TASP1: variants seen among roughly 807,000 people sequenced by gnomAD.
The protein encoded by TASP1 is threonine aspartase 1.
Under a neutral mutation model 56.6 loss-of-function variants are expected in TASP1, and 16 were observed. The ratio of observed to expected loss-of-function variants is 0.28; its 90% CI spans 0.19 to 0.43. TASP1 has a LOEUF of 0.43. Ranked by LOEUF, TASP1 falls within the 20% of genes least tolerant of loss-of-function variation. The pLI, the probability that TASP1 is intolerant of heterozygous loss-of-function variation, is 1.00. For missense variants in TASP1, 393 were observed against 511.6 expected, an observed-to-expected ratio of 0.77 and a Z score of 2.24; for synonymous variants, 179 against 184.2, an observed-to-expected ratio of 0.97 and a Z score of 0.23.
intron 13 of TASP1, among the ~76,000 whole-genome samples, chr20:13,416,390 G>C (rs769805387): frequency 1.3e-5 from 2 of 152,092 alleles, no homozygotes; most frequent in Non-Finnish European, 2.9e-5. Flanking sequence ...GGGGAGGGTG[G>C]ATCTCAGCAA....
chr20:13,488,783 C>T (rs1374246073), intron 10 of TASP1, among the ~76,000 whole-genome samples: 1 of 152,134 alleles, frequency 6.6e-6, no homozygotes, highest in East Asian at 1.9e-4. Context: ...CTCCCTTGAG[C>T]ACTCCAACTC....
the TASP1 span, chr20:13,167,022 G>A: frequency 6.6e-6 from 1 of 152,150 alleles, no homozygotes; most frequent in African/African-American, 2.4e-5. Flanking sequence ...GTTTCTGTTA[G>A]AGAGTCCATG....
chr20:13,335,666 G>A, the TASP1 span, among the ~76,000 whole-genome samples: 1 of 151,902 alleles, frequency 6.6e-6, no homozygotes, highest in Non-Finnish European at 1.5e-5. Context: ...GTATCATGCT[G>A]TTGTGAGTAA....
rs377367518 is a variant in TASP1 at position 13,584,256 on chromosome 20, T to C, written c.403+2994A>G. Reference sequence around the variant, plus strand: ...AAATGAAAAATAAACTATACATATGTTAGAAGAAAATACAAGTAAATTGTG... The same window carrying C: ...AAATGAAAAATAAACTATACATATGCTAGAAGAAAATACAAGTAAATTGTG... On this transcript the variant is annotated intron_variant, in intron 5 of 13. Coordinates refer to ENST00000337743, the MANE Select transcript of TASP1 (RefSeq NM_017714.3). Among the ~76,000 whole-genome samples the C allele has an allele frequency of 3.3e-5, 5 of 152,270 alleles. No individual in the cohort carries two copies. The East Asian group carries it at 5.8e-4, about 18-fold the overall frequency.
intron 6 of TASP1, among the ~76,000 whole-genome samples, chr20:13,577,616 A>G (rs1467705459): frequency 6.6e-6 from 1 of 152,074 alleles, no homozygotes; most frequent in Non-Finnish European, 1.5e-5. Flanking sequence ...CTCTCTCTCA[A>G]CAACCCCTTC....
downstream of TASP1, among the ~76,000 whole-genome samples, chr20:13,386,177 T>C (rs2041161594): frequency 6.6e-6 from 1 of 152,216 alleles, no homozygotes; most frequent in African/African-American, 2.4e-5. Context: ...GAGCCAGCAT[T>C]GTATGGGAAA....
At chr20:13,204,503 C>A in the TASP1 span, among the ~76,000 whole-genome samples, 1 of 148,154 alleles carries the variant, frequency 6.7e-6, no homozygotes, top group African/African-American at 2.5e-5. Flanking sequence ...GGAAAAATAT[C>A]TTTTTAATCC....
the TASP1 span, chr20:13,167,380 C>T: frequency 2.0e-5 from 3 of 152,078 alleles, no homozygotes; most frequent in African/African-American, 7.2e-5. Context: ...AAAAATGTGT[C>T]TTTGGTTAGA....
chr20:13,409,298 T>C (rs2123702982), intron 13 of TASP1, among the ~76,000 whole-genome samples: 1 of 152,034 alleles, frequency 6.6e-6, no homozygotes, highest in East Asian at 1.9e-4. Flanking sequence ...ATTCAAGTCA[T>C]TTACTATTGT....
At position 13,439,121 on chromosome 20, in the gene TASP1, A is replaced by G. The variant is rs541446709; in HGVS notation, c.986-3967T>C. On this transcript the variant is annotated intron_variant, in intron 11 of 13. Transcript: ENST00000337743. ...GGCGATTCCTCAGGGATCTAGAACT[A>G]GAAACACCATTTGACCCAGCCAGCC... 9.2e-5 allele frequency among the ~76,000 whole-genome samples: 14 copies of G among 152,340 alleles called. No individual in the cohort carries two copies. In the East Asian group the frequency reaches 2.7e-3, roughly 29 times the overall value.
intron 5 of TASP1, among the ~76,000 whole-genome samples, chr20:13,581,875 A>AT (rs1041627305): frequency 2.6e-5 from 4 of 152,186 alleles, no homozygotes; most frequent in African/African-American, 7.2e-5. Context: ...AAACATTTAT[A>AT]CAGAGGGTTA....
At chr20:13,491,218 C>A (rs1390380787) in intron 10 of TASP1, among the ~76,000 whole-genome samples, 1 of 152,140 alleles carries the variant, frequency 6.6e-6, no homozygotes, top group Non-Finnish European at 1.5e-5. Flanking sequence ...TTTCTCTTAG[C>A]CTGGCAGGAA....
chr20:13,543,147 T>C (rs1221641932), intron 8 of TASP1, among the ~76,000 whole-genome samples: 2 of 152,148 alleles, frequency 1.3e-5, no homozygotes, highest in East Asian at 3.8e-4. Context: ...ACTAGCCTCA[T>C]CTCTCTCAAG....
intron 5 of TASP1, among the ~76,000 whole-genome samples, chr20:13,581,828 T>C (rs1480484659): frequency 2.6e-5 from 4 of 152,214 alleles, no homozygotes. Flanking sequence ...AATTCTGTCA[T>C]GTAACCACAC....
chr20:13,165,569 T>G, the TASP1 span: 2 of 152,210 alleles, frequency 1.3e-5, no homozygotes. Flanking sequence ...ATTCAAGATG[T>G]TTGTTTCATA....
chr20:13,176,284 T>G, the TASP1 span, among the ~76,000 whole-genome samples: 2 of 152,188 alleles, frequency 1.3e-5, no homozygotes, highest in African/African-American at 4.8e-5. Context: ...AGAACTGTGT[T>G]GAATAAGAGT....
At chr20:13,634,737 A>AG in intron 1 of TASP1, among the ~76,000 whole-genome samples, 1 of 151,046 alleles carries the variant, frequency 6.6e-6, no homozygotes, top group South Asian at 2.1e-4. Flanking sequence ...CCAAAAAAAA[A>AG]AAAAAAAAAG....
chr20:13,337,725 G>A, the TASP1 span, among the ~76,000 whole-genome samples: 1 of 152,164 alleles, frequency 6.6e-6, no homozygotes, highest in Admixed American at 6.5e-5. Context: ...GACAGTTCTT[G>A]AGTGGGACAG....
At chr20:13,523,560 C>A (rs2044853973) in intron 10 of TASP1, among the ~76,000 whole-genome samples, 1 of 152,164 alleles carries the variant, frequency 6.6e-6, no homozygotes, top group Non-Finnish European at 1.5e-5. Flanking sequence ...AAAGGAATGG[C>A]ATATTCTCCT....
Sources: gnomAD v4.1 joint callset for allele counts (sites outside exome capture counted in the v4.1 genomes callset) on GRCh38, gnomAD v4.1.1 for gene constraint, MANE v1.5 for transcripts, NCBI Gene and HGNC (gene_info 2026-07-23, HGNC 2026-07-21) for gene names.